COL14A1: variants seen among roughly 807,000 people sequenced by gnomAD.
COL14A1 encodes collagen type XIV alpha 1 chain, also known as collagen alpha-1(XIV) chain.
COL14A1 carries 136 observed loss-of-function variants against 230.3 expected under a neutral mutation model. The observed-to-expected ratio is 0.59, with a 90% CI of 0.51 to 0.68. The LOEUF is 0.68. Among genes scored for constraint, COL14A1 ranks in the 30% least tolerant of loss-of-function variants. The pLI is 0.00. For synonymous variants in COL14A1, 792 were observed against 784.1 expected (o/e 1.01, Z -0.17); for missense variants, 1,976 against 2,215.8 (o/e 0.89, Z 2.17).
intron 5 of COL14A1, among the ~76,000 whole-genome samples, chr8:120,169,692 C>A (rs1164748373): frequency 6.6e-6 from 1 of 151,796 alleles, no homozygotes; most frequent in African/African-American, 2.4e-5. Context: ...TTAAAAAATT[C>A]TTGAAAAATG....
chr8:120,232,930 G>T (rs1229671686), intron 19 of COL14A1, among the ~76,000 whole-genome samples: 2 of 152,160 alleles, frequency 1.3e-5, no homozygotes, highest in African/African-American at 4.8e-5. Flanking sequence ...AGCATCTGTT[G>T]TTTCCTGACT....
chr8:120,164,094 T>TA (rs1232978111), intron 4 of COL14A1, among the ~76,000 whole-genome samples: 1 of 152,154 alleles, frequency 6.6e-6, no homozygotes, highest in Non-Finnish European at 1.5e-5. Flanking sequence ...CAGACTCTTT[T>TA]AAAAAACCCA....
chr8:120,289,667 T>C lies in COL14A1; in HGVS notation c.4137T>C (p.Gly1379=). 6.2e-7 allele frequency: 1 copy of C among 1,614,028 alleles called. No homozygotes were observed. The highest frequency in any genetic ancestry group is 8.5e-7 in the Non-Finnish European group (1 of 1,179,960). ...VKVVIDCKQV[G]EKAMNASANI... ...TGGTTATTGACTGCAAGCAAGTGGG[T>C]GAGAAGGCAATGAACGCATCAGCTA... Residue 1379 remains glycine (G), a synonymous_variant, in exon 34 of 48, where the codon GGT becomes GGC. Transcript: ENST00000297848.
intron 1 of COL14A1, among the ~76,000 whole-genome samples, chr8:120,146,693 A>G (rs1043789717): frequency 6.6e-6 from 1 of 152,152 alleles, no homozygotes; most frequent in African/African-American, 2.4e-5. Context: ...TCTCAAATTA[A>G]AATTTAACTA....
intron 5 of COL14A1, among the ~76,000 whole-genome samples, chr8:120,171,898 AT>A (rs1252829705): frequency 6.6e-6 from 1 of 152,000 alleles, no homozygotes; most frequent in Non-Finnish European, 1.5e-5. Flanking sequence ...TACAAATAAT[AT>A]TTTGGGTTCC....
At chr8:120,335,291 C>T (rs1033750051) in intron 42 of COL14A1, among the ~76,000 whole-genome samples, 1 of 152,130 alleles carries the variant, frequency 6.6e-6, no homozygotes, top group African/African-American at 2.4e-5. Context: ...ACAAATAAAA[C>T]ACTTGTTCAT....
rs765383874 is a variant in COL14A1, at chr8:120,209,812, C to T, written c.1378C>T (p.Arg460Ter). 7 of 1,613,620 alleles carry T rather than the reference C, an allele frequency of 4.3e-6. No homozygotes were observed. Among genetic ancestry groups the T allele is most frequent in the South Asian group, 2.2e-5 (2 of 91,056 alleles). Reference protein sequence around the residue: ...LLYDVTENSMRVKWDAVPGAS... With the variant: ...LLYDVTENSM Reference sequence around the variant, plus strand: ...GTACGACGTGACTGAGAACAGCATGCGAGTCAAATGGGATGCAGTGCCTGG... The same window carrying T: ...GTACGACGTGACTGAGAACAGCATGTGAGTCAAATGGGATGCAGTGCCTGG... The change falls in exon 12 of 48, where the codon CGA (arginine) becomes TGA (stop). Residue 460 changes from arginine to a stop codon, truncating the protein, a stop_gained. Coordinates refer to ENST00000297848, the MANE Select transcript of COL14A1 (RefSeq NM_021110.4). LOFTEE classifies it high-confidence loss of function.
chr8:120,253,428 GCATTCCAAA>G (rs1489567214), intron 22 of COL14A1, among the ~76,000 whole-genome samples: 6 of 151,888 alleles, frequency 4.0e-5, no homozygotes, highest in Non-Finnish European at 7.4e-5. Flanking sequence ...AATATATTGA[GCATTCCAAA>G]CATATTTTAA....
chr8:120,278,606 C>T, intron 28 of COL14A1, 28 bp downstream of exon 28: 1 of 1,595,206 alleles, frequency 6.3e-7, no homozygotes, highest in Non-Finnish European at 8.6e-7. Flanking sequence ...TAGTGGCTAC[C>T]AAATATGATG....
chr8:120,205,114 GTTGA>G (rs1817387183), intron 9 of COL14A1, among the ~76,000 whole-genome samples: 1 of 151,520 alleles, frequency 6.6e-6, no homozygotes. Flanking sequence ...TTTTTTCTGT[GTTGA>G]TTGTCTGCAG....
chr8:120,320,898 A>G (rs1174604563), intron 40 of COL14A1, among the ~76,000 whole-genome samples: 1 of 152,252 alleles, frequency 6.6e-6, no homozygotes, highest in Non-Finnish European at 1.5e-5. Flanking sequence ...TCTAGTCCTC[A>G]GAATAACTAC....
At chr8:120,142,114 T>TA (rs895573535) in intron 1 of COL14A1, among the ~76,000 whole-genome samples, 2 of 152,210 alleles carry the variant, frequency 1.3e-5, no homozygotes, top group South Asian at 4.1e-4. Context: ...TGTTTTTTTT[T>TA]ACCTTTCTTT....
intron 42 of COL14A1, among the ~76,000 whole-genome samples, chr8:120,340,663 T>C (rs561760361): frequency 1.4e-4 from 21 of 152,336 alleles, no homozygotes; most frequent in African/African-American, 4.3e-4. Context: ...ATGCCATTTT[T>C]AAAGTAGATG....
intron 34 of COL14A1, among the ~76,000 whole-genome samples, chr8:120,296,225 A>C (rs1389205366): frequency 6.6e-6 from 1 of 151,918 alleles, no homozygotes; most frequent in Non-Finnish European, 1.5e-5. Flanking sequence ...CAGCTCAATA[A>C]GGTGTATATG....
At chr8:120,139,912 C>T (rs1214012235) in intron 1 of COL14A1, among the ~76,000 whole-genome samples, 1 of 151,994 alleles carries the variant, frequency 6.6e-6, no homozygotes, top group African/African-American at 2.4e-5. Context: ...ACTGTAGTCC[C>T]AGCTACTCAG....
At chr8:120,216,693 C>T (rs963913233) in intron 14 of COL14A1, among the ~76,000 whole-genome samples, 1 of 152,122 alleles carries the variant, frequency 6.6e-6, no homozygotes. Flanking sequence ...GAGGTTAGGG[C>T]CAGATAGTGG....
chr8:120,346,712 G>C (rs1822526580), intron 45 of COL14A1, among the ~76,000 whole-genome samples: 1 of 151,840 alleles, frequency 6.6e-6, no homozygotes, highest in Admixed American at 6.6e-5. Context: ...AATTGTTATT[G>C]ATCACCCCAG....
intron 37 of COL14A1, 131 bp downstream of exon 37, chr8:120,310,193 G>C: frequency 1.2e-6 from 1 of 817,228 alleles, no homozygotes; most frequent in South Asian, 2.2e-5. Context: ...TATGAAAGTT[G>C]TGCCTAACCC....
chr8:120,162,788 G>A (rs570061463), intron 4 of COL14A1, among the ~76,000 whole-genome samples: 1 of 152,108 alleles, frequency 6.6e-6, no homozygotes, highest in Admixed American at 6.5e-5. Context: ...TATCCTTTAT[G>A]CTTTAGTTTC....
Sources: allele counts gnomAD v4.1 joint callset (sites outside exome capture counted in the v4.1 genomes callset), GRCh38; gene constraint gnomAD v4.1.1; transcripts MANE v1.5; gene names NCBI Gene and HGNC (gene_info 2026-07-23, HGNC 2026-07-21).